TRIM67: variants seen among roughly 807,000 people sequenced by gnomAD.
TRIM67 encodes tripartite motif containing 67.
Under a neutral mutation model 71.0 loss-of-function variants are expected in TRIM67, and 39 were observed. The observed-to-expected ratio is 0.55, with a 90% confidence interval of 0.43 to 0.72. TRIM67 has a LOEUF of 0.72. TRIM67 is among the 30% of genes least tolerant of loss of function. The probability of loss-of-function intolerance (pLI) is 0.00; values close to 1 mark genes in which losing one functional copy is unlikely to be tolerated. For synonymous variants in TRIM67, 481 were observed against 473.9 expected, an observed-to-expected ratio of 1.01 and a Z score of -0.19; for missense variants, 973 against 1,079.2, an observed-to-expected ratio of 0.90 and a Z score of 1.38.
Position 231,218,972 on chromosome 1 carries a change from C to T in TRIM67, c.*3532C>T. ...TCTTCCAGGGATATTTGCATTTAAGCCTTAATTCTCATTGCAAGCGAAAGG... is the reference window on the plus strand; with the variant it reads ...TCTTCCAGGGATATTTGCATTTAAGTCTTAATTCTCATTGCAAGCGAAAGG... On this transcript the variant is annotated 3_prime_UTR_variant, in exon 10 of 10. Coordinates refer to ENST00000366653, the MANE Select transcript of TRIM67 (RefSeq NM_001004342.5). 1.0e-6 allele frequency: 1 copy of T among 985,482 alleles called. No homozygotes were observed. Among genetic ancestry groups the T allele is most frequent in the Non-Finnish European group, 1.2e-6 (1 of 829,960 alleles). 61.0% of individuals were successfully genotyped at this position (985,482 alleles called of 1,614,324 possible).
chr1:231,211,448 G>A (rs1304143540), intron 8 of TRIM67, among the ~76,000 whole-genome samples: 4 of 152,176 alleles, frequency 2.6e-5, no homozygotes, highest in African/African-American at 9.7e-5. Context: ...GGGGGCCTGA[G>A]GCTTTGCTTA....
chr1:231,199,274 G>C, intron 3 of TRIM67, 105 bp downstream of exon 3: 3 of 1,095,480 alleles, frequency 2.7e-6, no homozygotes, highest in Non-Finnish European at 4.1e-6. Context: ...CTAAGTGAGT[G>C]AATGAATGAG....
chr1:231,203,231 C>T (rs908308226), intron 5 of TRIM67, among the ~76,000 whole-genome samples: 2 of 152,222 alleles, frequency 1.3e-5, no homozygotes, highest in African/African-American at 4.8e-5. Context: ...TTGTAAACTT[C>T]TCCCACTCTC....
At position 231,215,824 on chromosome 1, in the gene TRIM67, A is replaced by C; in HGVS notation, c.*384A>C. The C allele has an allele frequency of 9.8e-7, 1 of 1,022,230 alleles. No homozygotes were observed. Among genetic ancestry groups the C allele is most frequent in the Non-Finnish European group, 1.2e-6 (1 of 854,498 alleles). 63.3% of individuals were successfully genotyped at this position (1,022,230 alleles called of 1,614,324 possible). A position where few individuals can be genotyped will look rare whatever the true frequency, so the allele number is the denominator to read the frequency against. On this transcript the variant is annotated 3_prime_UTR_variant, in exon 10 of 10. Transcript: ENST00000366653. ...GGTAGACTTTGAGACTGGCCTCCTGAGAGCGGCAGTCAGGAGCTGCGCTGT... is the reference window on the plus strand; with the variant it reads ...GGTAGACTTTGAGACTGGCCTCCTGCGAGCGGCAGTCAGGAGCTGCGCTGT...
intron 5 of TRIM67, 63 bp from the exon 6 acceptor site, chr1:231,203,803 TG>T: frequency 6.5e-7 from 1 of 1,549,214 alleles, no homozygotes; most frequent in Non-Finnish European, 8.7e-7. Flanking sequence ...TGGGGTGGGG[TG>T]GGGGACCGGG....
At chr1:231,185,984 GAGA>G in intron 1 of TRIM67, 4 of 1,019,846 alleles carry the variant, frequency 3.9e-6, no homozygotes, top group Non-Finnish European at 2.9e-6. Context: ...TAGAGGAGAC[GAGA>G]AGGAGGTGGG....
At chr1:231,213,710 G>A in intron 8 of TRIM67, 105 bp from the exon 9 acceptor site, 9 of 1,373,176 alleles carry the variant, frequency 6.6e-6, no homozygotes, top group Non-Finnish European at 7.8e-6. Context: ...CAGCCTGGGT[G>A]ACAGAGTGAG....
chr1:231,212,880 G>A (rs368280150), intron 8 of TRIM67, among the ~76,000 whole-genome samples: 20 of 152,222 alleles, frequency 1.3e-4, no homozygotes, highest in African/African-American at 4.3e-4. Flanking sequence ...AAAGTACGAC[G>A]TTGCCAACAC....
At chr1:231,182,509 G>A (rs1010750752) in intron 1 of TRIM67, among the ~76,000 whole-genome samples, 11 of 152,208 alleles carry the variant, frequency 7.2e-5, no homozygotes, top group Non-Finnish European at 1.2e-4. Context: ...AGGACTTGAA[G>A]GGGGAGGTTG....
At position 231,216,013 on chromosome 1, in the gene TRIM67, G is replaced by A. The variant is rs529471709; in HGVS notation, c.*573G>A. The A allele has an allele frequency of 2.8e-5, 28 of 985,528 alleles. No individual in the cohort carries two copies. In the African/African-American group the frequency reaches 4.5e-4, roughly 16 times the overall value. The allele number at this position is 985,528 out of a possible 1,614,324, so 61.0% of individuals were successfully genotyped here. A position where few individuals can be genotyped will look rare whatever the true frequency, so the allele number is the denominator to read the frequency against. ...GACCCAATGCAGGATTGATAGAAAG[G>A]GACATTAATCATTCATGCTTGACTT... On this transcript the variant is annotated 3_prime_UTR_variant, in exon 10 of 10. Coordinates refer to ENST00000366653, the MANE Select transcript of TRIM67 (RefSeq NM_001004342.5).
In TRIM67 at chr1:231,213,779, G is replaced by T. The variant is rs182208102; in HGVS notation, c.2124-36G>T. 2.7e-5 allele frequency: 42 copies of T among 1,541,356 alleles called. No homozygotes were observed. The Admixed American group carries it at 6.9e-4, about 25-fold the overall frequency. On this transcript the variant is annotated intron_variant, in intron 8 of 9. Coordinates refer to ENST00000366653, the MANE Select transcript of TRIM67 (RefSeq NM_001004342.5). Reference sequence around the variant, plus strand: ...AGTTATCACCTACATCCCAGGCTGGGTGTGGTGATGGTCTTCCTGGGGACT... The same window carrying T: ...AGTTATCACCTACATCCCAGGCTGGTTGTGGTGATGGTCTTCCTGGGGACT...
chr1:231,190,107 C>T (rs1683192607), intron 1 of TRIM67, among the ~76,000 whole-genome samples: 1 of 152,108 alleles, frequency 6.6e-6, no homozygotes, highest in African/African-American at 2.4e-5. Flanking sequence ...AACTAATGTC[C>T]CATAGGAACC....
intron 1 of TRIM67, chr1:231,184,955 G>T (rs2102731392): frequency 7.0e-7 from 1 of 1,433,726 alleles, no homozygotes; most frequent in East Asian, 2.5e-5. Flanking sequence ...CAGCTCTAAG[G>T]GTTGCTGGAT....
chr1:231,186,908 G>C (rs1483306199), intron 1 of TRIM67, among the ~76,000 whole-genome samples: 2 of 152,132 alleles, frequency 1.3e-5, no homozygotes, highest in Non-Finnish European at 2.9e-5. Flanking sequence ...TGCTTCTCAG[G>C]CTGTCTGGGC....
At chr1:231,164,600 C>T (rs1184530113) in intron 1 of TRIM67, among the ~76,000 whole-genome samples, 1 of 152,176 alleles carries the variant, frequency 6.6e-6, no homozygotes, top group African/African-American at 2.4e-5. Context: ...TGAACTAGGC[C>T]TGGCAGAGTT....
intron 1 of TRIM67, chr1:231,187,401 T>A (rs575838779): frequency 2.9e-4 from 291 of 987,290 alleles, no homozygotes; most frequent in East Asian, 1.0e-3. Context: ...TTAATTTTTT[T>A]AAAAAATGAG....
intron 1 of TRIM67, among the ~76,000 whole-genome samples, chr1:231,176,816 T>G (rs1682759717): frequency 6.8e-6 from 1 of 146,202 alleles, no homozygotes; most frequent in African/African-American, 2.6e-5. Context: ...CATTTAAATT[T>G]CAGTGAAGAA....
chr1:231,217,430 C>T lies in TRIM67; in HGVS notation c.*1990C>T. The T allele has an allele frequency of 1.0e-6, 1 of 989,038 alleles. No individual in the cohort carries two copies. The highest frequency in any genetic ancestry group is 1.2e-6 in the Non-Finnish European group (1 of 832,300). The allele number at this position is 989,038 out of a possible 1,614,324, so 61.3% of individuals were successfully genotyped here. On this transcript the variant is annotated 3_prime_UTR_variant, in exon 10 of 10. Coordinates refer to ENST00000366653, the MANE Select transcript of TRIM67 (RefSeq NM_001004342.5). ...TGTGTCCTTGCCCGCACCTCTGCCT[C>T]TGTCTCCCATATCCCTGCAGCTTCA...
rs765986253 is a variant in TRIM67, at chr1:231,163,920, C to T, written c.951C>T (p.Ser317=). Residue 317 remains serine, a synonymous_variant, in exon 1 of 10, where the codon AGC becomes AGT. Coordinates refer to ENST00000366653, the MANE Select transcript of TRIM67 (RefSeq NM_001004342.5). ...EMENYSMYCV[S]CRTPVCYLCL... is the part of the protein sequence containing the mutation. The stretch of plus-strand genomic sequence containing the variant: ...AGAACTACAGCATGTACTGCGTGAG[C>T]TGTCGAACCCCGGTGTGTTATCTGT... 6 of 1,585,728 alleles carry T rather than the reference C, an allele frequency of 3.8e-6. No individual in the cohort carries two copies. Among genetic ancestry groups the T allele is most frequent in the Non-Finnish European group, 4.3e-6 (5 of 1,166,610 alleles).
Sources: allele counts gnomAD v4.1 joint callset (sites outside exome capture counted in the v4.1 genomes callset), GRCh38; gene constraint gnomAD v4.1.1; transcripts MANE v1.5; gene names NCBI Gene and HGNC (gene_info 2026-07-23, HGNC 2026-07-21).